UBE2QL1: variants seen among roughly 807,000 people sequenced by gnomAD.
UBE2QL1 encodes ubiquitin-conjugating enzyme E2Q-like protein 1.
UBE2QL1 carries 5 observed loss-of-function variants against 12.6 expected under a neutral mutation model. The ratio of observed to expected loss-of-function variants is 0.40; its 90% confidence interval spans 0.21 to 0.83. The LOEUF is 0.83. Ranked by LOEUF, UBE2QL1 falls within the 40% of genes least tolerant of loss-of-function variation. The pLI is 0.37. For synonymous variants in UBE2QL1, 96 were observed against 94.5 expected (o/e 1.02, Z -0.10); for missense variants, 99 against 222.6 (o/e 0.44, Z 3.53).
At chr5:6,472,244 G>A (rs1238433437) in intron 1 of UBE2QL1, among the ~76,000 whole-genome samples, 1 of 152,112 alleles carries the variant, frequency 6.6e-6, no homozygotes, top group Non-Finnish European at 1.5e-5. Flanking sequence ...CTCCCCTGGG[G>A]ATGCCAGCAA....
At chr5:6,461,543 A>ACCCCCCCCCCCCCCC (rs71953375) in intron 1 of UBE2QL1, among the ~76,000 whole-genome samples, 1 of 42,170 alleles carries the variant, frequency 2.4e-5, no homozygotes, top group Admixed American at 2.9e-4. Context: ...AGCACCCACC[A>ACCCCCCCCCCCCCCC]CCCCCCCCCG....
intron 1 of UBE2QL1, among the ~76,000 whole-genome samples, chr5:6,466,459 C>T (rs781151268): frequency 8.5e-5 from 13 of 152,258 alleles, no homozygotes; most frequent in Non-Finnish European, 1.5e-4. Flanking sequence ...GTCTCCCAAT[C>T]TGGGGCTGGA....
rs1553987860 is a variant in UBE2QL1, at chr5:6,461,544, C to CCCG, written c.354+12299_354+12300insGCC. On this transcript the variant is annotated intron_variant, in intron 1 of 1. Transcript: ENST00000399816. ...CCCCAGTGTTTTTCAGCACCCACCA[C>CCCG]CCCCCCCCGCCGGCATATCATTCTA... Among the ~76,000 whole-genome samples the CCCG allele has an allele frequency of 3.5e-5, 3 of 86,912 alleles. 1 individual carries two copies. The allele number at this position is 86,912 out of a possible 152,430, so 57.0% of individuals were successfully genotyped here.
At chr5:6,473,202 A>G (rs1302373323) in intron 1 of UBE2QL1, among the ~76,000 whole-genome samples, 1 of 152,200 alleles carries the variant, frequency 6.6e-6, no homozygotes, top group Non-Finnish European at 1.5e-5. Context: ...AAATCATCTT[A>G]GCTTTTTGTG....
In UBE2QL1 at chr5:6,494,247, C is replaced by T. The variant is rs1342946368; in HGVS notation, c.*2898C>T. The stretch of plus-strand genomic sequence containing the variant: ...GGTCTGTCTGTAACTTTCTAGAAGA[C>T]TGAGAACTGCTTATGCCTTAGGGAG... On this transcript the variant is annotated 3_prime_UTR_variant, in exon 2 of 2. Transcript: ENST00000399816. 3 of 152,206 alleles carry T rather than the reference C, an allele frequency of 2.0e-5. No homozygotes were observed. Among genetic ancestry groups the T allele is most frequent in the Admixed American group, 2.0e-4 (3 of 15,278 alleles). The allele number at this position is 152,206 out of a possible 1,614,324, so 9.4% of individuals were successfully genotyped here. A position where few individuals can be genotyped will look rare whatever the true frequency, so the allele number is the denominator to read the frequency against.
chr5:6,469,120 C>T (rs980849991), intron 1 of UBE2QL1, among the ~76,000 whole-genome samples: 41 of 152,178 alleles, frequency 2.7e-4, no homozygotes, highest in Admixed American at 1.8e-3. Context: ...AGAGCAGGGC[C>T]GACTTGGTTT....
chr5:6,465,085 T>C (rs1489990279), intron 1 of UBE2QL1, among the ~76,000 whole-genome samples: 2 of 151,950 alleles, frequency 1.3e-5, no homozygotes, highest in South Asian at 2.1e-4. Context: ...CTCCTGGCTT[T>C]AAGCAATTTT....
chr5:6,457,324 A>G (rs975785489), intron 1 of UBE2QL1, among the ~76,000 whole-genome samples: 7 of 151,620 alleles, frequency 4.6e-5, no homozygotes, highest in African/African-American at 1.5e-4. Flanking sequence ...CAGCTCCTCA[A>G]CCACTCCTTC....
At chr5:6,449,343 C>T in intron 1 of UBE2QL1, 96 bp downstream of exon 1, 1 of 1,177,954 alleles carries the variant, frequency 8.5e-7, no homozygotes, top group Non-Finnish European at 1.1e-6. Context: ...CAGCGCCGGC[C>T]CCTCCGGCCA....
rs1199028505 is a variant in UBE2QL1, at chr5:6,493,042, T to A, written c.*1693T>A. On this transcript the variant is annotated 3_prime_UTR_variant, in exon 2 of 2. Transcript: ENST00000399816. ...TGTTACTTTTGTTTTTCTTTACCAC[T>A]TTCTTATTTGCCCCCAAGTGCACAC... 6.6e-6 allele frequency: 1 copy of A among 152,252 alleles called. No homozygotes were observed. The highest frequency in any genetic ancestry group is 2.4e-5 in the African/African-American group (1 of 41,468). 9.4% of individuals were successfully genotyped at this position (152,252 alleles called of 1,614,324 possible).
rs377589343 is a variant in UBE2QL1 at position 6,466,908 on chromosome 5, C to T, written c.354+17661C>T. Among the ~76,000 whole-genome samples, 17 of 152,274 alleles carry T rather than the reference C, an allele frequency of 1.1e-4. No homozygotes were observed. In the East Asian group the frequency reaches 1.3e-3, roughly 12 times the overall value. ...TTCGCCAGAAAACACACCAGCAGGA[C>T]GTTTGAGAGAGGTTTGTATTTTGAG... On this transcript the variant is annotated intron_variant, in intron 1 of 1. Transcript: ENST00000399816.
intron 1 of UBE2QL1, among the ~76,000 whole-genome samples, chr5:6,487,414 C>A (rs1734486173): frequency 6.6e-6 from 1 of 152,192 alleles, no homozygotes; most frequent in African/African-American, 2.4e-5. Context: ...TGGCAAAATC[C>A]TGTAGTTGTT....
chr5:6,474,246 C>A (rs1734165626), intron 1 of UBE2QL1, among the ~76,000 whole-genome samples: 1 of 152,254 alleles, frequency 6.6e-6, no homozygotes, highest in Admixed American at 6.5e-5. Flanking sequence ...GCATGTGGAT[C>A]TTCCAGCATG....
At chr5:6,486,427 C>T (rs1018861589) in intron 1 of UBE2QL1, among the ~76,000 whole-genome samples, 4 of 152,106 alleles carry the variant, frequency 2.6e-5, no homozygotes, top group East Asian at 1.9e-4. Context: ...TTTGGGACCC[C>T]TTGTCCTCTC....
intron 1 of UBE2QL1, among the ~76,000 whole-genome samples, chr5:6,489,688 G>A (rs1230187943): frequency 6.6e-6 from 1 of 152,224 alleles, no homozygotes; most frequent in African/African-American, 2.4e-5. Context: ...GGCACCGTCT[G>A]CCCAGTAGAT....
At chr5:6,453,698 C>T (rs2126321138) in intron 1 of UBE2QL1, among the ~76,000 whole-genome samples, 1 of 112,660 alleles carries the variant, frequency 8.9e-6, no homozygotes, top group African/African-American at 3.4e-5. Flanking sequence ...AGCACAAGTG[C>T]ACACACATGT....
chr5:6,468,443 T>TGCAGACACTCAGGCGGGACA (rs1451689636), intron 1 of UBE2QL1, among the ~76,000 whole-genome samples: 3 of 152,118 alleles, frequency 2.0e-5, no homozygotes, highest in African/African-American at 7.2e-5. Flanking sequence ...AGGCAGGCAG[T>TGCAGACACTCAGGCGGGACA]GCAGACACTC....
At chr5:6,453,917 A>G (rs548670743) in intron 1 of UBE2QL1, among the ~76,000 whole-genome samples, 19 of 152,230 alleles carry the variant, frequency 1.2e-4, no homozygotes, top group Non-Finnish European at 1.6e-4. Flanking sequence ...GGTCCCCTCT[A>G]TCACCCAGGC....
chr5:6,488,471 A>AG (rs1734506162), intron 1 of UBE2QL1, among the ~76,000 whole-genome samples: 3 of 148,740 alleles, frequency 2.0e-5, no homozygotes, highest in Middle Eastern at 6.9e-3. Context: ...AAAAAAAAAA[A>AG]ATCAACCCTT....
Sources: allele counts gnomAD v4.1 joint callset (sites outside exome capture counted in the v4.1 genomes callset), GRCh38; gene constraint gnomAD v4.1.1; transcripts MANE v1.5; gene names NCBI Gene and HGNC (gene_info 2026-07-23, HGNC 2026-07-21).